The following CPM variants were observed in gnomAD, a reference collection of about 807,000 sequenced individuals.
CPM encodes the protein carboxypeptidase M.
A neutral mutation model predicts 46.4 loss-of-function variants in CPM; 35 were observed. The observed-to-expected ratio is 0.75, with a 90% confidence interval of 0.58 to 1.00. CPM has a LOEUF of 1.00. CPM is among the 50% of genes least tolerant of loss of function. The probability of loss-of-function intolerance (pLI) is 0.00; values close to 1 mark genes in which losing one functional copy is unlikely to be tolerated. For synonymous variants in CPM, 195 were observed against 195.3 expected (o/e 1.00, Z 0.01); for missense variants, 422 against 530.4 (o/e 0.80, Z 2.01).
chr12:68,870,485 C>G, intron 4 of CPM, 86 bp from the exon 5 acceptor site: 2 of 1,237,680 alleles, frequency 1.6e-6, no homozygotes, highest in Non-Finnish European at 2.3e-6. Flanking sequence ...GTTTAGGCTC[C>G]AGGTGTCTTT....
At chr12:68,881,727 C>T (rs1215951439) in intron 3 of CPM, among the ~76,000 whole-genome samples, 2 of 137,532 alleles carry the variant, frequency 1.5e-5, no homozygotes, top group African/African-American at 2.7e-5. Context: ...ATTTTTTTTT[C>T]TTTTTTTTTT....
chr12:68,947,410 A>G (rs1335289277), intron 1 of CPM, among the ~76,000 whole-genome samples: 1 of 152,068 alleles, frequency 6.6e-6, no homozygotes, highest in African/African-American at 2.4e-5. Context: ...CAGCCTGGCC[A>G]ACATGGCAAA....
intron 6 of CPM, among the ~76,000 whole-genome samples, chr12:68,868,706 T>C (rs940412801): frequency 6.6e-6 from 1 of 152,206 alleles, no homozygotes; most frequent in African/African-American, 2.4e-5. Flanking sequence ...CCTCCCACTG[T>C]ATCCTGTCTG....
upstream of CPM, among the ~76,000 whole-genome samples, chr12:68,934,780 A>G (rs945995404): frequency 3.9e-5 from 6 of 152,178 alleles, no homozygotes; most frequent in South Asian, 8.3e-4. Context: ...TCTTAATTGT[A>G]CCTACCTAAA....
intron 2 of CPM, among the ~76,000 whole-genome samples, chr12:68,926,353 C>T (rs918899619): frequency 9.9e-5 from 15 of 152,008 alleles, no homozygotes; most frequent in African/African-American, 3.4e-4. Flanking sequence ...CTTTCTAGCA[C>T]ACCTCAGTTT....
At chr12:68,934,925 T>A (rs1888644949), upstream of CPM, among the ~76,000 whole-genome samples, 1 of 152,218 alleles carries the variant, frequency 6.6e-6, no homozygotes, top group Non-Finnish European at 1.5e-5. Context: ...CTTTCTTTAT[T>A]TTTTGAGATG....
chr12:68,919,740 A>G (rs1887957715), intron 2 of CPM, among the ~76,000 whole-genome samples: 1 of 152,262 alleles, frequency 6.6e-6, no homozygotes, highest in African/African-American at 2.4e-5. Flanking sequence ...TGACAGTAAC[A>G]CATGACAAAC....
At chr12:68,914,020 T>C in intron 2 of CPM, 1 of 714,010 alleles carries the variant, frequency 1.4e-6, no homozygotes, top group Non-Finnish European at 2.7e-6. Flanking sequence ...GACTGCGGCC[T>C]CTTCAAATCC....
At chr12:68,873,173 C>T (rs1021165094) in intron 3 of CPM, among the ~76,000 whole-genome samples, 1 of 152,150 alleles carries the variant, frequency 6.6e-6, no homozygotes, top group Non-Finnish European at 1.5e-5. Context: ...GTGCTGCAGG[C>T]ACATTCATGT....
intron 7 of CPM, among the ~76,000 whole-genome samples, chr12:68,863,924 A>G (rs903391222): frequency 6.6e-6 from 1 of 152,160 alleles, no homozygotes; most frequent in Non-Finnish European, 1.5e-5. Context: ...TCACAAACAA[A>G]ATATTCATTA....
chr12:68,902,775 C>T (rs150338275), intron 2 of CPM, among the ~76,000 whole-genome samples: 606 of 152,270 alleles, frequency 4.0e-3, no homozygotes, highest in African/African-American at 0.014. Flanking sequence ...ACTGTGTTTT[C>T]GTTTGTTTTA....
intron 1 of CPM, among the ~76,000 whole-genome samples, chr12:68,944,515 C>T (rs768332872): frequency 5.3e-5 from 8 of 152,114 alleles, no homozygotes; most frequent in Non-Finnish European, 1.0e-4. Flanking sequence ...GCAATCCTCC[C>T]ATCTCAGCCT....
chr12:68,960,280 G>T (rs543467204), intron 1 of CPM, among the ~76,000 whole-genome samples: 2 of 152,156 alleles, frequency 1.3e-5, no homozygotes, highest in East Asian at 3.9e-4. Flanking sequence ...CGATGTCGAC[G>T]TTGGATGGGC....
intron 1 of CPM, among the ~76,000 whole-genome samples, chr12:68,939,817 A>T (rs980163164): frequency 1.3e-5 from 2 of 152,144 alleles, no homozygotes; most frequent in African/African-American, 4.8e-5. Context: ...CATGATTACT[A>T]TTATCTCTTT....
intron 2 of CPM, among the ~76,000 whole-genome samples, chr12:68,928,169 A>G (rs959089664): frequency 1.1e-4 from 16 of 152,260 alleles, no homozygotes; most frequent in African/African-American, 3.6e-4. Flanking sequence ...GTACCAAAGC[A>G]GAGATATAAA....
intron 2 of CPM, among the ~76,000 whole-genome samples, chr12:68,907,818 G>GTTATTTATTTAT (rs528453019): frequency 0.078 from 11,798 of 151,612 alleles, 650 homozygotes; most frequent in East Asian, 0.16. Flanking sequence ...GGCTGGGTTG[G>GTTATTTATTTAT]TTATTTATTT....
chr12:68,915,487 C>G (rs570158128), intron 2 of CPM, among the ~76,000 whole-genome samples: 103 of 152,350 alleles, frequency 6.8e-4, no homozygotes, highest in Non-Finnish European at 1.1e-3. Flanking sequence ...ACCTCCATCT[C>G]TCTGCCTGGT....
At chr12:68,947,419 A>G (rs1341354635) in intron 1 of CPM, among the ~76,000 whole-genome samples, 2 of 151,998 alleles carry the variant, frequency 1.3e-5, no homozygotes, top group African/African-American at 4.8e-5. Context: ...CAACATGGCA[A>G]AACCATATCT....
chr12:68,894,986 A>AC (rs200579075), intron 2 of CPM, among the ~76,000 whole-genome samples: 1,696 of 134,652 alleles, frequency 0.013, 20 homozygotes, highest in Middle Eastern at 0.06. Flanking sequence ...CCGAGATCGC[A>AC]CCGCTGCACT....
Sources: allele counts gnomAD v4.1 joint callset (sites outside exome capture counted in the v4.1 genomes callset), GRCh38; gene constraint gnomAD v4.1.1; transcripts MANE v1.5; gene names NCBI Gene and HGNC (gene_info 2026-07-23, HGNC 2026-07-21).